The following PTPRD variants were observed in gnomAD, a reference collection of about 807,000 sequenced individuals.
PTPRD encodes the protein receptor-type tyrosine-protein phosphatase delta.
In PTPRD, 34 loss-of-function variants were observed where a neutral mutation model predicts 214.5. That is an observed-to-expected ratio of 0.16 (90% CI 0.12 to 0.21). The LOEUF (loss-of-function observed/expected upper bound fraction) is 0.21, where lower values mean the gene tolerates loss of function less well. PTPRD is among the 10% of genes least tolerant of loss of function. PTPRD has a pLI of 1.00. For synonymous variants in PTPRD, 1,128 were observed against 845.7 expected, an observed-to-expected ratio of 1.33 and a Z score of -5.79; for missense variants, 2,545 against 2,398.7, an observed-to-expected ratio of 1.06 and a Z score of -1.27.
At chr9:8,353,880 ATG>A (rs1288295491) in intron 39 of PTPRD, among the ~76,000 whole-genome samples, 6 of 144,836 alleles carry the variant, frequency 4.1e-5, no homozygotes, top group African/African-American at 1.0e-4. Context: ...ATATGTATAT[ATG>A]TGTATATATG....
intron 5 of PTPRD, among the ~76,000 whole-genome samples, chr9:9,826,223 C>T (rs2052776014): frequency 6.6e-6 from 1 of 151,598 alleles, no homozygotes; most frequent in African/African-American, 2.4e-5. Context: ...GTGCTTCATC[C>T]ATCAGGTATA....
chr9:9,396,125 C>T (rs2067712518), intron 9 of PTPRD, among the ~76,000 whole-genome samples: 1 of 151,898 alleles, frequency 6.6e-6, no homozygotes, highest in Non-Finnish European at 1.5e-5. Flanking sequence ...GTATGTGACT[C>T]AACAAAACAG....
chr9:8,588,627 T>C (rs2093856442), intron 14 of PTPRD, among the ~76,000 whole-genome samples: 1 of 152,182 alleles, frequency 6.6e-6, no homozygotes, highest in Admixed American at 6.6e-5. Context: ...AAAGATATTT[T>C]CATTTTCTTC....
chr9:8,983,775 C>T (rs985334585), intron 11 of PTPRD, among the ~76,000 whole-genome samples: 1 of 152,002 alleles, frequency 6.6e-6, no homozygotes, highest in African/African-American at 2.4e-5. Flanking sequence ...CCTCCACCTC[C>T]CAAAGCACTG....
At chr9:9,814,931 C>T (rs897927492) in intron 5 of PTPRD, among the ~76,000 whole-genome samples, 1 of 151,076 alleles carries the variant, frequency 6.6e-6, no homozygotes, top group Non-Finnish European at 1.5e-5. Context: ...TCTTGAGTAG[C>T]TGGGACTACA....
intron 7 of PTPRD, among the ~76,000 whole-genome samples, chr9:9,600,074 T>A (rs2154336558): frequency 6.6e-6 from 1 of 152,120 alleles, no homozygotes; most frequent in East Asian, 1.9e-4. Context: ...ACATTGCAGT[T>A]GTTATCTGAG....
Position 8,315,618 on chromosome 9 carries a change from AC to A in PTPRD, c.*2255del, listed in dbSNP as rs1821222007. ...CTCATTCTGAGGTAGCCTTCTAGAT[AC>A]TTTTTTTTAGTATTATATATATTTT... On this transcript the variant is annotated 3_prime_UTR_variant, in exon 46 of 46. Transcript: ENST00000381196. 1 of 229,004 alleles carries A rather than the reference AC, an allele frequency of 4.4e-6. No individual in the cohort carries two copies. Among genetic ancestry groups the A allele is most frequent in the East Asian group, 6.2e-5 (1 of 16,056 alleles). The allele number at this position is 229,004 out of a possible 1,614,324, so 14.2% of individuals were successfully genotyped here.
intron 9 of PTPRD, among the ~76,000 whole-genome samples, chr9:9,318,895 A>C (rs911410881): frequency 3.3e-5 from 5 of 152,184 alleles, no homozygotes; most frequent in African/African-American, 4.8e-5. Context: ...GCAGGCTTCT[A>C]GATTCATGCA....
At chr9:10,079,854 T>C (rs1420124329) in intron 3 of PTPRD, among the ~76,000 whole-genome samples, 2 of 152,008 alleles carry the variant, frequency 1.3e-5, no homozygotes, top group Admixed American at 6.6e-5. Flanking sequence ...GAAGTGCACA[T>C]AGTTAGATGT....
chr9:10,019,238 C>T (rs2096792081), intron 4 of PTPRD, among the ~76,000 whole-genome samples: 1 of 152,156 alleles, frequency 6.6e-6, no homozygotes, highest in South Asian at 2.1e-4. Flanking sequence ...TACCATCTCA[C>T]ATCAGTTAGA....
intron 3 of PTPRD, among the ~76,000 whole-genome samples, chr9:10,284,859 C>A (rs918074935): frequency 6.6e-6 from 1 of 152,136 alleles, no homozygotes; most frequent in Non-Finnish European, 1.5e-5. Context: ...GATAAGGTCA[C>A]TTAAGGAGAC....
At chr9:8,359,219 G>A (rs545875912) in intron 39 of PTPRD, among the ~76,000 whole-genome samples, 12 of 150,890 alleles carry the variant, frequency 8.0e-5, no homozygotes, top group Admixed American at 6.6e-4. Context: ...CCCATGACCA[G>A]CAGCATCAGC....
intron 28 of PTPRD, 42 bp downstream of exon 28, chr9:8,485,720 C>T (rs2135894674): frequency 6.7e-7 from 1 of 1,501,738 alleles, no homozygotes; most frequent in Non-Finnish European, 9.1e-7. Context: ...CAAAGACTGA[C>T]AATCCTTTAA....
chr9:8,745,907 C>G (rs945252475), intron 11 of PTPRD, among the ~76,000 whole-genome samples: 1 of 152,206 alleles, frequency 6.6e-6, no homozygotes. Context: ...AAGCTATCCT[C>G]CCGCCTCTAC....
chr9:10,469,979 G>C lies in PTPRD; in HGVS notation c.-599-128962C>G, dbSNP rs149733664. Among the ~76,000 whole-genome samples the C allele has an allele frequency of 3.9e-3, 598 of 151,888 alleles. 6 individuals carry two copies. The highest frequency in any genetic ancestry group is 0.014 in the African/African-American group (568 of 41,396). On this transcript the variant is annotated intron_variant, in intron 2 of 45. Coordinates refer to ENST00000381196, the MANE Select transcript of PTPRD (RefSeq NM_002839.4). The stretch of plus-strand genomic sequence containing the variant: ...AAAAATCTCATGAAGGTAGTCAATA[G>C]ACTGGTGTTACCAGAGGCTGGGTAG...
intron 9 of PTPRD, among the ~76,000 whole-genome samples, chr9:9,330,465 C>A (rs917255043): frequency 6.6e-6 from 1 of 152,006 alleles, no homozygotes; most frequent in Non-Finnish European, 1.5e-5. Context: ...ATTATGACTT[C>A]CCATCGAGCA....
chr9:9,740,194 T>G (rs2098378659), intron 6 of PTPRD, among the ~76,000 whole-genome samples: 5 of 152,294 alleles, frequency 3.3e-5, no homozygotes, highest in African/African-American at 1.2e-4. Context: ...AGATGCATGT[T>G]GTCATATCCC....
chr9:8,838,667 T>C (rs908556554), intron 11 of PTPRD, among the ~76,000 whole-genome samples: 2 of 152,154 alleles, frequency 1.3e-5, no homozygotes, highest in South Asian at 2.1e-4. Flanking sequence ...GAATTTATTA[T>C]ATGGTTTAGT....
intron 7 of PTPRD, among the ~76,000 whole-genome samples, chr9:9,661,045 T>A (rs1261901140): frequency 6.6e-6 from 1 of 152,008 alleles, no homozygotes. Context: ...AACCACCACG[T>A]AACTTTCCAT....
Sources: gnomAD v4.1 joint callset for allele counts (sites outside exome capture counted in the v4.1 genomes callset) on GRCh38, gnomAD v4.1.1 for gene constraint, MANE v1.5 for transcripts, NCBI Gene and HGNC (gene_info 2026-07-23, HGNC 2026-07-21) for gene names.